The following SYT9 variants were observed in gnomAD, a reference collection of about 807,000 sequenced individuals.
SYT9 encodes the protein synaptotagmin 9, also known as synaptotagmin-9.
SYT9 carries 22 observed loss-of-function variants against 48.4 expected under a neutral mutation model. That is an observed-to-expected ratio of 0.45 (90% CI 0.32 to 0.65). The LOEUF (loss-of-function observed/expected upper bound fraction) is 0.65. Ranked by LOEUF, SYT9 falls within the 30% of genes least tolerant of loss-of-function variation. The pLI is 0.03. For synonymous variants in SYT9, 265 were observed against 245.0 expected (o/e 1.08, Z -0.76); for missense variants, 577 against 622.0 (o/e 0.93, Z 0.77).
chr11:7,365,002 T>G (rs1280918073), intron 3 of SYT9, among the ~76,000 whole-genome samples: 1 of 152,182 alleles, frequency 6.6e-6, no homozygotes, highest in African/African-American at 2.4e-5. Context: ...GGTCTCAATT[T>G]GTGCCCTGAT....
chr11:7,372,435 C>G (rs548132416), intron 3 of SYT9, among the ~76,000 whole-genome samples: 1 of 152,270 alleles, frequency 6.6e-6, no homozygotes, highest in East Asian at 1.9e-4. Flanking sequence ...ATCTCAGCCT[C>G]CAGAGTAGCT....
Position 7,463,788 on chromosome 11 carries a change from G to A in SYT9, c.1468-3004G>A, listed in dbSNP as rs148505742. On this transcript the variant is annotated intron_variant, in intron 6 of 6. Transcript: ENST00000318881. ...ACCCAAGTGAAGGGCTGCACCTTAA[G>A]AAGGGGGAGACCAGTAGGCTGCACC... Among the ~76,000 whole-genome samples, 1,172 of 152,346 alleles carry A rather than the reference G, an allele frequency of 7.7e-3. 5 individuals are homozygous for A. Among genetic ancestry groups the A allele is most frequent in the Non-Finnish European group, 0.012 (809 of 68,036 alleles).
chr11:7,432,751 G>T (rs1347417126), intron 6 of SYT9, among the ~76,000 whole-genome samples: 1 of 150,702 alleles, frequency 6.6e-6, no homozygotes, highest in Non-Finnish European at 1.5e-5. Context: ...TACCTCTATT[G>T]TATCTTAGAA....
intron 3 of SYT9, among the ~76,000 whole-genome samples, chr11:7,390,123 A>G (rs1341532657): frequency 6.6e-6 from 1 of 152,044 alleles, no homozygotes; most frequent in Non-Finnish European, 1.5e-5. Context: ...TCCTACTGCT[A>G]TCCCTCCCCC....
intron 3 of SYT9, among the ~76,000 whole-genome samples, chr11:7,320,450 T>A (rs1849317719): frequency 6.6e-6 from 1 of 152,234 alleles, no homozygotes; most frequent in East Asian, 1.9e-4. Context: ...GCTTCTTTTG[T>A]GTATTTGTTC....
At chr11:7,345,640 GT>G (rs1249443563) in intron 3 of SYT9, among the ~76,000 whole-genome samples, 3 of 152,168 alleles carry the variant, frequency 2.0e-5, no homozygotes, top group Non-Finnish European at 4.4e-5. Flanking sequence ...AACATATTCA[GT>G]TTGTGCTACC....
chr11:7,383,375 G>C (rs1850600960), intron 3 of SYT9, among the ~76,000 whole-genome samples: 1 of 152,230 alleles, frequency 6.6e-6, no homozygotes, highest in Admixed American at 6.5e-5. Flanking sequence ...AGGGAAACCA[G>C]ATGTCCCCAG....
chr11:7,261,973 A>C (rs1412546083), intron 1 of SYT9, among the ~76,000 whole-genome samples: 1 of 152,182 alleles, frequency 6.6e-6, no homozygotes, highest in Non-Finnish European at 1.5e-5. Context: ...TTAGGAAGAG[A>C]AAGGATCACT....
At chr11:7,310,823 G>C (rs1849119756) in intron 2 of SYT9, among the ~76,000 whole-genome samples, 1 of 152,076 alleles carries the variant, frequency 6.6e-6, no homozygotes, top group Non-Finnish European at 1.5e-5. Flanking sequence ...TCAGGGAATG[G>C]GATCTTTCTT....
rs567878734 is a variant in SYT9 at position 7,433,531 on chromosome 11, CTGCTATGGTCTGAG to C, written c.1467+12901_1467+12914del. ...CTGGGGCTTTATCTGCATTCTCTCT[CTGCTATGGTCTGAG>C]TGCTTGCATCCTCCCAAAATTCATA... is the stretch of plus-strand genomic sequence containing the variant. On this transcript the variant is annotated intron_variant, in intron 6 of 6. Coordinates refer to ENST00000318881, the MANE Select transcript of SYT9 (RefSeq NM_175733.4). Among the ~76,000 whole-genome samples the C allele has an allele frequency of 2.0e-3, 299 of 152,324 alleles. 2 individuals are homozygous for C. Among genetic ancestry groups the C allele is most frequent in the Admixed American group, 3.7e-3 (57 of 15,294 alleles).
intron 1 of SYT9, among the ~76,000 whole-genome samples, chr11:7,281,516 C>T (rs761413411): frequency 2.0e-5 from 3 of 152,224 alleles, no homozygotes; most frequent in Non-Finnish European, 2.9e-5. Context: ...CTTTCTTCTA[C>T]ACCTGTTCTG....
rs77405275 is a variant in SYT9 at position 7,240,259 on chromosome 11, T to C, written c.49+1343T>C. Among the ~76,000 whole-genome samples, 3 of 152,326 alleles carry C rather than the reference T, an allele frequency of 2.0e-5. No individual in the cohort carries two copies. The East Asian group carries it at 5.8e-4, about 29-fold the overall frequency. ...CATCTCACCCCATTCCATTCCTGGC[T>C]GTCTATATTTGAAGGTAATGACCAG... On this transcript the variant is annotated intron_variant and NMD_transcript_variant, in intron 1 of 8. Transcript: ENST00000524820.
intron 1 of SYT9, among the ~76,000 whole-genome samples, chr11:7,274,552 A>G (rs1848352713): frequency 1.3e-5 from 2 of 152,114 alleles, no homozygotes; most frequent in Non-Finnish European, 2.9e-5. Flanking sequence ...TCCTGACCTC[A>G]CGTGATCCAC....
At chr11:7,281,722 T>A (rs1848496248) in intron 1 of SYT9, among the ~76,000 whole-genome samples, 1 of 152,254 alleles carries the variant, frequency 6.6e-6, no homozygotes, top group African/African-American at 2.4e-5. Flanking sequence ...GTGTAAATTC[T>A]TATTAAAAAC....
chr11:7,262,137 A>T (rs1024061268), intron 1 of SYT9, among the ~76,000 whole-genome samples: 1 of 152,136 alleles, frequency 6.6e-6, no homozygotes, highest in South Asian at 2.1e-4. Flanking sequence ...GATTCTGGGT[A>T]GCTGGAAGGT....
In SYT9 at chr11:7,272,482, G is replaced by C. The variant is rs558604088; in HGVS notation, c.145+20151G>C. Among the ~76,000 whole-genome samples the C allele has an allele frequency of 2.0e-5, 3 of 149,826 alleles. No individual in the cohort carries two copies. The South Asian group carries it at 6.4e-4, about 32-fold the overall frequency. ...TTTATCCTCCAGACTTTTTATTGGT[G>C]TTTTTTTTTCCTTCTGCATACCTTA... On this transcript the variant is annotated intron_variant, in intron 1 of 6. Coordinates refer to ENST00000318881, the MANE Select transcript of SYT9 (RefSeq NM_175733.4).
chr11:7,381,544 A>G (rs1850565197), intron 3 of SYT9, among the ~76,000 whole-genome samples: 1 of 152,220 alleles, frequency 6.6e-6, no homozygotes, highest in East Asian at 1.9e-4. Flanking sequence ...AGTTGCCTCT[A>G]GTACTGAGAA....
chr11:7,250,716 G>A (rs1847853050), upstream of SYT9, among the ~76,000 whole-genome samples: 1 of 152,082 alleles, frequency 6.6e-6, no homozygotes, highest in Non-Finnish European at 1.5e-5. Context: ...TTCAAAGGTT[G>A]CCTGTTGCGT....
At position 7,252,177 on chromosome 11, in the gene SYT9, CG is replaced by C. The variant is rs763868213; in HGVS notation, c.-3del. On this transcript the variant is annotated 5_prime_UTR_variant, in exon 1 of 7. Transcript: ENST00000318881. The surrounding 1 kb of genome is among the most constrained non-coding windows in gnomAD (Gnocchi z 6.3). ...GCCTGCCCGGCGCGGTCCGAGGATG[CG>C]GGGGGGCGATGCCCGGGGCCAGGGA... The C allele has an allele frequency of 1.7e-5, 25 of 1,437,226 alleles. No homozygotes were observed. Among genetic ancestry groups the C allele is most frequent in the Admixed American group, 1.1e-4 (4 of 36,928 alleles). 89.0% of individuals were successfully genotyped at this position (1,437,226 alleles called of 1,614,324 possible).
Sources: allele counts gnomAD v4.1 joint callset (sites outside exome capture counted in the v4.1 genomes callset), GRCh38; gene constraint gnomAD v4.1.1; non-coding constraint Gnocchi (gnomAD v3.1); transcripts MANE v1.5; gene names NCBI Gene and HGNC (gene_info 2026-07-23, HGNC 2026-07-21).